CTNNA2: variants seen among roughly 807,000 people sequenced by gnomAD.
CTNNA2 encodes the protein catenin alpha 2.
CTNNA2 carries 42 observed loss-of-function variants against 101.0 expected under a neutral mutation model. That is an observed-to-expected ratio of 0.42 (90% CI 0.32 to 0.54). CTNNA2 has a LOEUF of 0.54. Ranked by LOEUF, CTNNA2 falls within the 20% of genes least tolerant of loss-of-function variation. CTNNA2 has a pLI of 0.14. For missense variants in CTNNA2, 871 were observed against 1,223.1 expected, an observed-to-expected ratio of 0.71 and a Z score of 4.29; for synonymous variants, 450 against 456.4, an observed-to-expected ratio of 0.99 and a Z score of 0.18.
intron 1 of CTNNA2, among the ~76,000 whole-genome samples, chr2:79,593,103 G>A (rs182072472): frequency 6.6e-6 from 1 of 152,276 alleles, no homozygotes; most frequent in East Asian, 1.9e-4. Flanking sequence ...TTTTACTTTT[G>A]TGTAAAATCC....
chr2:80,462,245 C>T (rs539662251), intron 9 of CTNNA2, among the ~76,000 whole-genome samples: 1 of 152,286 alleles, frequency 6.6e-6, no homozygotes, highest in African/African-American at 2.4e-5. Context: ...ACTGAAGTTG[C>T]TTTTCTAAGT....
At chr2:79,416,161 T>C (rs553866165) in intron 4 of CTNNA2, among the ~76,000 whole-genome samples, 1 of 152,092 alleles carries the variant, frequency 6.6e-6, no homozygotes, top group Non-Finnish European at 1.5e-5. Context: ...GTACTGACTT[T>C]TTCTGAGCTT....
intron 6 of CTNNA2, among the ~76,000 whole-genome samples, chr2:79,903,299 A>C (rs1035848562): frequency 4.0e-5 from 6 of 151,056 alleles, no homozygotes; most frequent in African/African-American, 1.5e-4. Context: ...TAGTTTCCTC[A>C]CCTCTCTTTT....
intron 7 of CTNNA2, among the ~76,000 whole-genome samples, chr2:80,122,752 C>A (rs184212204): frequency 6.6e-6 from 1 of 151,974 alleles, no homozygotes; most frequent in African/African-American, 2.4e-5. Flanking sequence ...TGTGTGTGTG[C>A]GCATGTGCAT....
rs1019972994 is a variant in CTNNA2 at position 79,285,879 on chromosome 2, G to C, written c.-405-26830G>C. Reference sequence around the variant, plus strand: ...TGTTAAAGTCTCCCATTATTAATGTGTGGGAGTCTAAGTCTCTTTGTAGGT... The same window carrying C: ...TGTTAAAGTCTCCCATTATTAATGTCTGGGAGTCTAAGTCTCTTTGTAGGT... On this transcript the variant is annotated intron_variant, in intron 2 of 21. Transcript: ENST00000466387. Among the ~76,000 whole-genome samples, 1,127 of 147,048 alleles carry C rather than the reference G, an allele frequency of 7.7e-3. 23 individuals are homozygous for C. Among genetic ancestry groups the C allele is most frequent in the African/African-American group, 0.029 (1,077 of 37,246 alleles).
intron 7 of CTNNA2, among the ~76,000 whole-genome samples, chr2:80,268,358 C>A (rs961234403): frequency 6.6e-6 from 1 of 152,282 alleles, no homozygotes. Flanking sequence ...ATTTTTATTT[C>A]ATTTGATATC....
intron 7 of CTNNA2, among the ~76,000 whole-genome samples, chr2:80,385,520 G>A (rs1676915912): frequency 6.6e-6 from 1 of 152,152 alleles, no homozygotes; most frequent in Non-Finnish European, 1.5e-5. Flanking sequence ...CCCAGTCTAT[G>A]ATATTTTTGT....
intron 7 of CTNNA2, among the ~76,000 whole-genome samples, chr2:79,938,111 G>A (rs61158197): frequency 0.053 from 8,002 of 152,196 alleles, 726 homozygotes; most frequent in African/African-American, 0.18. Context: ...CTCAAAAATG[G>A]CAGTGCCCTC....
chr2:80,157,532 C>T lies in CTNNA2; in HGVS notation c.1057-235679C>T, dbSNP rs113952387. Among the ~76,000 whole-genome samples, 757 of 152,166 alleles carry T rather than the reference C, an allele frequency of 5.0e-3. 6 individuals are homozygous for T. Among genetic ancestry groups the T allele is most frequent in the African/African-American group, 0.012 (490 of 41,528 alleles). ...TCTGATCATCAGTTGAGTGAAGATTCGTGACCATTTTTTTGTTTATCAAAA... is the reference window on the plus strand; with the variant it reads ...TCTGATCATCAGTTGAGTGAAGATTTGTGACCATTTTTTTGTTTATCAAAA... On this transcript the variant is annotated intron_variant, in intron 7 of 18. Transcript: ENST00000402739.
At chr2:79,417,189 T>C (rs1187076919) in intron 4 of CTNNA2, among the ~76,000 whole-genome samples, 1 of 152,130 alleles carries the variant, frequency 6.6e-6, no homozygotes, top group Non-Finnish European at 1.5e-5. Flanking sequence ...TATTTTCAAC[T>C]ACAATTTGGT....
intron 7 of CTNNA2, among the ~76,000 whole-genome samples, chr2:80,286,854 A>G (rs1674813252): frequency 6.6e-6 from 1 of 152,098 alleles, no homozygotes; most frequent in African/African-American, 2.4e-5. Context: ...TACCCATTGT[A>G]TTGGTATGTA....
At chr2:80,342,228 T>C (rs28468617) in intron 7 of CTNNA2, among the ~76,000 whole-genome samples, 1 of 152,204 alleles carries the variant, frequency 6.6e-6, no homozygotes, top group Non-Finnish European at 1.5e-5. Context: ...TTAAATTGTA[T>C]GCTTTGAGTG....
rs190101095 is a variant in CTNNA2, at chr2:79,747,809, C to T, written c.298+3227C>T. Among the ~76,000 whole-genome samples, 826 of 152,184 alleles carry T rather than the reference C, an allele frequency of 5.4e-3. 8 individuals are homozygous for T. The highest frequency in any genetic ancestry group is 0.019 in the African/African-American group (780 of 41,506). ...ATTTCAAGTTTTCTTTTTATATTATCGATTTCTTCTTACAAAACAATTCTA... is the reference window on the plus strand; with the variant it reads ...ATTTCAAGTTTTCTTTTTATATTATTGATTTCTTCTTACAAAACAATTCTA... On this transcript the variant is annotated intron_variant, in intron 3 of 18. Coordinates refer to ENST00000402739, the MANE Select transcript of CTNNA2 (RefSeq NM_001282597.3).
intron 2 of CTNNA2, among the ~76,000 whole-genome samples, chr2:79,654,109 T>G (rs1380624632): frequency 6.6e-6 from 1 of 152,158 alleles, no homozygotes; most frequent in Non-Finnish European, 1.5e-5. Context: ...TTTAACCAAA[T>G]CTTTATTTTT....
chr2:80,021,041 G>A (rs1311104540), intron 7 of CTNNA2, among the ~76,000 whole-genome samples: 7 of 124,656 alleles, frequency 5.6e-5, no homozygotes, highest in South Asian at 2.6e-4. Flanking sequence ...TGGCTCTGTC[G>A]CCCAGGCTGG....
chr2:80,022,405 G>A (rs918309225), intron 7 of CTNNA2, among the ~76,000 whole-genome samples: 1 of 152,094 alleles, frequency 6.6e-6, no homozygotes, highest in Non-Finnish European at 1.5e-5. Context: ...AAATTAAAGG[G>A]TGATTATTTA....
intron 2 of CTNNA2, among the ~76,000 whole-genome samples, chr2:79,276,768 T>TA (rs981904236): frequency 9.2e-5 from 14 of 152,052 alleles, no homozygotes; most frequent in South Asian, 4.1e-4. Flanking sequence ...ACCCTTATTT[T>TA]AAAAAAAATT....
chr2:79,716,220 A>G (rs993985761), intron 2 of CTNNA2, among the ~76,000 whole-genome samples: 1 of 152,174 alleles, frequency 6.6e-6, no homozygotes, highest in African/African-American at 2.4e-5. Flanking sequence ...TTTTTTGCCA[A>G]TACACCAACA....
intron 9 of CTNNA2, among the ~76,000 whole-genome samples, chr2:80,532,033 A>G (rs1034375435): frequency 6.6e-6 from 1 of 152,192 alleles, no homozygotes; most frequent in African/African-American, 2.4e-5. Context: ...TAAAAGGGTA[A>G]AGATGTGTTC....
Sources: allele counts gnomAD v4.1 joint callset (sites outside exome capture counted in the v4.1 genomes callset), GRCh38; gene constraint gnomAD v4.1.1; transcripts MANE v1.5; gene names NCBI Gene and HGNC (gene_info 2026-07-23, HGNC 2026-07-21).